Variants in RGS5 observed in about 807,000 individuals in gnomAD.
RGS5 encodes regulator of G protein signaling 5.
RGS5 carries 20 observed loss-of-function variants against 18.9 expected under a neutral mutation model. The ratio of observed to expected loss-of-function variants is 1.06; its 90% CI spans 0.74 to 1.54. The LOEUF (loss-of-function observed/expected upper bound fraction) is 1.54. RGS5 is among the 40% of genes most tolerant of loss of function. RGS5 has a pLI of 0.00. For missense variants in RGS5, 201 were observed against 211.8 expected (o/e 0.95, Z 0.32); for synonymous variants, 57 against 76.2 (o/e 0.75, Z 1.31).
At chr1:163,246,400 C>T (rs1647939708) in intron 2 of RGS5, among the ~76,000 whole-genome samples, 3 of 151,698 alleles carry the variant, frequency 2.0e-5, no homozygotes, top group African/African-American at 7.3e-5. Flanking sequence ...GAAACCCCAT[C>T]TCTACTAAAA....
At chr1:163,303,190 C>A (rs1649596549) in intron 2 of RGS5, among the ~76,000 whole-genome samples, 1 of 152,114 alleles carries the variant, frequency 6.6e-6, no homozygotes, top group African/African-American at 2.4e-5. Flanking sequence ...ATTAAAAAAT[C>A]TTCATTCTTT....
At chr1:163,165,765 G>A (rs1658013920) in intron 2 of RGS5, among the ~76,000 whole-genome samples, 1 of 152,154 alleles carries the variant, frequency 6.6e-6, no homozygotes, top group South Asian at 2.1e-4. Context: ...AATTAGCCGG[G>A]CGTGGTGGCA....
chr1:163,165,918 A>T (rs10917687), intron 2 of RGS5, among the ~76,000 whole-genome samples: 4 of 124,390 alleles, frequency 3.2e-5, no homozygotes, highest in Non-Finnish European at 6.3e-5. Context: ...AAAAAAAACA[A>T]AAAAAAAACA....
chr1:163,151,879 A>G (rs1657388765), intron 4 of RGS5, among the ~76,000 whole-genome samples: 1 of 152,188 alleles, frequency 6.6e-6, no homozygotes, highest in African/African-American at 2.4e-5. Context: ...GAATTTTTTG[A>G]GATTTTGAAA....
intron 1 of RGS5, among the ~76,000 whole-genome samples, chr1:163,180,449 G>T (rs1263714527): frequency 6.6e-6 from 1 of 151,992 alleles, no homozygotes; most frequent in African/African-American, 2.4e-5. Context: ...ACCTATAATG[G>T]TTCTCTGTGT....
chr1:163,154,571 G>C (rs1465355137), intron 3 of RGS5, among the ~76,000 whole-genome samples: 1 of 151,656 alleles, frequency 6.6e-6, no homozygotes, highest in South Asian at 2.1e-4. Context: ...GAAGGGAAAA[G>C]GAAAACAAGG....
Position 163,202,868 on chromosome 1 carries a change from T to C in RGS5, c.-33A>G. On this transcript the variant is annotated 5_prime_UTR_variant, in exon 1 of 5. Coordinates refer to ENST00000313961, the MANE Select transcript of RGS5 (RefSeq NM_003617.4). Reference sequence around the variant, plus strand: ...GGTGGCTTAGCTCCTCCGCTTTAAGTACAACTTCTTAACAGCAGAGCCAGT... The same window carrying C: ...GGTGGCTTAGCTCCTCCGCTTTAAGCACAACTTCTTAACAGCAGAGCCAGT... 6.2e-7 allele frequency: 1 copy of C among 1,607,490 alleles called. No individual in the cohort carries two copies. The highest frequency in any genetic ancestry group is 8.5e-7 in the Non-Finnish European group (1 of 1,174,644).
chr1:163,178,668 AC>A (rs1311324005), intron 1 of RGS5, among the ~76,000 whole-genome samples: 2 of 152,126 alleles, frequency 1.3e-5, no homozygotes, highest in African/African-American at 4.8e-5. Context: ...AATTTTCAAA[AC>A]CCAGCCATCT....
Position 163,152,639 on chromosome 1 carries a change from C to G in RGS5, c.295G>C (p.Asp99His), listed in dbSNP as rs771316827. Reference sequence around the variant, plus strand: ...GCAGGGGACTTGATCTTCTTGTAATCCTCACAGGCAATCCAGAACTCAAGG... The same window carrying G: ...GCAGGGGACTTGATCTTCTTGTAATGCTCACAGGCAATCCAGAACTCAAGG... Reference protein sequence around the residue: ...ENLEFWIACEDYKKIKSPAKM... With the variant: ...ENLEFWIACEHYKKIKSPAKM... The change falls in exon 4 of 5, where the codon GAT becomes CAT. Residue 99 changes from aspartate (D) to histidine (H), a missense_variant. Asp to His is a moderately conservative substitution (Grantham distance 81). Coordinates refer to ENST00000313961, the MANE Select transcript of RGS5 (RefSeq NM_003617.4). 5.0e-6 allele frequency: 8 copies of G among 1,612,984 alleles called. No homozygotes were observed. The East Asian group carries it at 1.8e-4, about 36-fold the overall frequency.
At chr1:163,222,745 A>G (rs1460732095) in intron 2 of RGS5, among the ~76,000 whole-genome samples, 1 of 152,228 alleles carries the variant, frequency 6.6e-6, no homozygotes, top group Non-Finnish European at 1.5e-5. Context: ...AAACTAGGTT[A>G]AAGACAGGGG....
chr1:163,233,258 G>A (rs1647530818), intron 2 of RGS5, among the ~76,000 whole-genome samples: 1 of 152,168 alleles, frequency 6.6e-6, no homozygotes, highest in South Asian at 2.1e-4. Context: ...TGTGTGTCTG[G>A]TCATTGATGA....
chr1:163,315,864 A>AT (rs914248399), intron 1 of RGS5, among the ~76,000 whole-genome samples: 3 of 152,192 alleles, frequency 2.0e-5, no homozygotes, highest in African/African-American at 7.2e-5. Context: ...TTAGAATCTA[A>AT]TTTTTTTCAT....
chr1:163,315,958 A>G (rs1218712071), intron 1 of RGS5, among the ~76,000 whole-genome samples: 1 of 152,188 alleles, frequency 6.6e-6, no homozygotes, highest in Admixed American at 6.5e-5. Flanking sequence ...ATGTAAGGTT[A>G]ACACTAATGC....
At chr1:163,199,273 T>C (rs1019977378) in intron 1 of RGS5, among the ~76,000 whole-genome samples, 1 of 152,170 alleles carries the variant, frequency 6.6e-6, no homozygotes, top group African/African-American at 2.4e-5. Context: ...ATTTGCCTCT[T>C]TAAACATATA....
intron 1 of RGS5, among the ~76,000 whole-genome samples, chr1:163,312,879 T>C (rs776880298): frequency 9.2e-5 from 14 of 152,218 alleles, no homozygotes; most frequent in Non-Finnish European, 1.8e-4. Flanking sequence ...ATGGCTATTG[T>C]ATTTGTAATC....
Position 163,169,031 on chromosome 1 carries a change from G to A in RGS5, c.45-663C>T, listed in dbSNP as rs531953958. Among the ~76,000 whole-genome samples, 17 of 107,512 alleles carry A rather than the reference G, an allele frequency of 1.6e-4. 1 individual carries two copies. The South Asian group carries it at 5.0e-3, about 31-fold the overall frequency. The allele number at this position is 107,512 out of a possible 152,430, so 70.5% of individuals were successfully genotyped here. A position where few individuals can be genotyped will look rare whatever the true frequency, so the allele number is the denominator to read the frequency against. ...TCCCCCCTCCCCCTACCCCACAACA[G>A]TCCCTGGTGTGTGATGTTCCTCTTC... On this transcript the variant is annotated intron_variant, in intron 1 of 4. Transcript: ENST00000313961.
chr1:163,234,728 C>A (rs1647575947), intron 2 of RGS5, among the ~76,000 whole-genome samples: 1 of 152,040 alleles, frequency 6.6e-6, no homozygotes, highest in Non-Finnish European at 1.5e-5. Flanking sequence ...ACTTAGTGGC[C>A]TAAAACAATA....
At chr1:163,290,048 AC>A (rs1649241098) in intron 2 of RGS5, among the ~76,000 whole-genome samples, 1 of 150,848 alleles carries the variant, frequency 6.6e-6, no homozygotes, top group Admixed American at 6.6e-5. Flanking sequence ...GCAACATGAG[AC>A]CCCTATCTTT....
intron 1 of RGS5, chr1:163,308,759 T>G (rs1489889433): frequency 6.6e-6 from 1 of 152,204 alleles, no homozygotes; most frequent in Non-Finnish European, 1.5e-5. Flanking sequence ...TACATAATTA[T>G]GTACAGGCAT....
Sources: gnomAD v4.1 joint callset for allele counts (sites outside exome capture counted in the v4.1 genomes callset) on GRCh38, gnomAD v4.1.1 for gene constraint, MANE v1.5 for transcripts, NCBI Gene and HGNC (gene_info 2026-07-23, HGNC 2026-07-21) for gene names.